PCID2: variants seen among roughly 807,000 people sequenced by gnomAD.
PCID2 encodes the protein PCI domain containing 2, also known as PCI domain-containing protein 2.
In PCID2, 41 loss-of-function variants were observed where a neutral mutation model predicts 61.3. The ratio of observed to expected loss-of-function variants is 0.67; its 90% CI spans 0.52 to 0.87. The LOEUF is 0.87. Ranked by LOEUF, PCID2 falls within the 40% of genes least tolerant of loss-of-function variation. PCID2 has a pLI of 0.00. For synonymous variants in PCID2, 187 were observed against 177.8 expected (o/e 1.05, Z -0.41); for missense variants, 392 against 493.4 (o/e 0.79, Z 1.95).
chr13:113,179,876 A>G lies in PCID2; in HGVS notation c.986+41T>C, dbSNP rs746654689. ...CCCTGGATGTCTGACTGCTCTGCCG[A>G]GAGCCACACTGGGAGCCCAATGTGC... On this transcript the variant is annotated intron_variant, in intron 12 of 13. Transcript: ENST00000337344. This position sits in a 1 kb window ranked among gnomAD's most constrained non-coding sequence, Gnocchi z 4.3. 1 of 1,592,328 alleles carries G rather than the reference A, an allele frequency of 6.3e-7. No homozygotes were observed. The highest frequency in any genetic ancestry group is 8.6e-7 in the Non-Finnish European group (1 of 1,167,178).
At chr13:113,172,224 C>T in the PCID2 span, 25 of 1,412,554 alleles carry the variant, frequency 1.8e-5, no homozygotes, top group Non-Finnish European at 2.4e-5. Context: ...CAGCCCCAGA[C>T]CACCCGCTTG....
chr13:113,203,142 G>A (rs2039555134), intron 1 of PCID2, among the ~76,000 whole-genome samples: 1 of 152,262 alleles, frequency 6.6e-6, no homozygotes, highest in Non-Finnish European at 1.5e-5. Flanking sequence ...CTGGCACAGA[G>A]CAGGAGAAGG....
chr13:113,190,758 G>T (rs2038543669), intron 7 of PCID2, 114 bp downstream of exon 7: 2 of 526,018 alleles, frequency 3.8e-6, no homozygotes, highest in African/African-American at 2.0e-5. Context: ...TGGGATTATA[G>T]CATGTGTAGA....
At position 113,198,214 on chromosome 13, in the gene PCID2, A is replaced by T; in HGVS notation, c.177T>A (p.Asp59Glu). The T allele has an allele frequency of 6.2e-7, 1 of 1,607,436 alleles. No homozygotes were observed. Among genetic ancestry groups the T allele is most frequent in the Non-Finnish European group, 8.5e-7 (1 of 1,177,162 alleles). Residue 59 changes from aspartate (D) to glutamate (E), a missense_variant, in exon 3 of 14, where the codon GAT becomes GAA. Asp to Glu is a conservative substitution (Grantham distance 45, BLOSUM62 2). This residue lies in a region of PCID2 where 155 missense variants were observed against 164.9 expected (regional missense o/e 0.94). Coordinates refer to ENST00000337344, the MANE Select transcript of PCID2 (RefSeq NM_001127202.4). ...ACCTTAAATGAGCTGCAAACATTTC[A>T]TCATAAGGGGGTTCCAAGACTTGTT... ...KCQQVLEPPY[D>E]EMFAAHLRCT...
At chr13:113,167,289 G>A in the PCID2 span, among the ~76,000 whole-genome samples, 1 of 152,156 alleles carries the variant, frequency 6.6e-6, no homozygotes, top group Non-Finnish European at 1.5e-5. Flanking sequence ...TACAGATAAC[G>A]TTCTTGACTT....
At chr13:113,201,847 TCTAA>T (rs1357476836) in intron 1 of PCID2, among the ~76,000 whole-genome samples, 7 of 149,294 alleles carry the variant, frequency 4.7e-5, no homozygotes, top group African/African-American at 1.7e-4. Context: ...ACATAAAAAT[TCTAA>T]CTAAGAAAAA....
intron 4 of PCID2, 62 bp downstream of exon 4, chr13:113,197,116 G>T: frequency 6.2e-7 from 1 of 1,614,160 alleles, no homozygotes. Context: ...CGGGTCTCAA[G>T]TCCCAAGTAA....
downstream of PCID2, among the ~76,000 whole-genome samples, chr13:113,172,637 G>A (rs1460909470): frequency 6.6e-6 from 1 of 152,220 alleles, no homozygotes; most frequent in Non-Finnish European, 1.5e-5. Flanking sequence ...GTATCCCAGA[G>A]AGGCAGCATT....
At chr13:113,200,735 T>C (rs2039365975) in intron 1 of PCID2, 1 of 361,976 alleles carries the variant, frequency 2.8e-6, no homozygotes, top group Non-Finnish European at 5.0e-6. Context: ...AGTCTCGCTC[T>C]GTCGCCCAGG....
intron 4 of PCID2, chr13:113,196,901 C>A: frequency 2.6e-6 from 2 of 779,962 alleles, no homozygotes; most frequent in East Asian, 2.5e-5. Context: ...ATACTTACTA[C>A]CTTACTAAAG....
intron 6 of PCID2, 40 bp from the exon 7 acceptor site, chr13:113,191,015 C>G (rs1228335292): frequency 6.8e-7 from 1 of 1,472,868 alleles, no homozygotes; most frequent in Admixed American, 1.8e-5. Flanking sequence ...TTTTCCGAAG[C>G]AAGATCTTGC....
At chr13:113,172,882 G>A (rs182875211), downstream of PCID2, among the ~76,000 whole-genome samples, 184 of 152,316 alleles carry the variant, frequency 1.2e-3, no homozygotes, top group Non-Finnish European at 2.2e-3. Context: ...TCACCAATGG[G>A]CTGATGGGCA....
intron 6 of PCID2, among the ~76,000 whole-genome samples, chr13:113,193,626 T>G (rs562690814): frequency 1.6e-4 from 24 of 152,356 alleles, no homozygotes; most frequent in African/African-American, 4.8e-4. Flanking sequence ...TTAAAATGAA[T>G]ATTTTAAAAT....
At chr13:113,196,155 A>G (rs746068618) in intron 5 of PCID2, 26 bp downstream of exon 5, 8 of 1,582,216 alleles carry the variant, frequency 5.1e-6, no homozygotes, top group African/African-American at 2.7e-5. Context: ...CCATTTGCTA[A>G]TTCAGCTGTT....
chr13:113,178,843 A>T (rs1257436251), intron 13 of PCID2, 123 bp downstream of exon 13: 11 of 853,008 alleles, frequency 1.3e-5, no homozygotes, highest in Non-Finnish European at 2.0e-5. Flanking sequence ...GGCTAAAATT[A>T]GTTCTATCAA....
chr13:113,172,496 A>G, the PCID2 span: 1 of 313,050 alleles, frequency 3.2e-6, no homozygotes, highest in Non-Finnish European at 6.2e-6. Context: ...AGAAGCGACA[A>G]CAATCTCCGG....
At chr13:113,197,342 G>T in intron 3 of PCID2, 99 bp from the exon 4 acceptor site, 1 of 817,582 alleles carries the variant, frequency 1.2e-6, no homozygotes, top group Non-Finnish European at 2.1e-6. Flanking sequence ...CAGTGGTCCT[G>T]GGATGAAAGG....
At chr13:113,177,110 C>G (rs1330428785), downstream of PCID2, among the ~76,000 whole-genome samples, 2 of 152,154 alleles carry the variant, frequency 1.3e-5, no homozygotes, top group East Asian at 1.9e-4. Flanking sequence ...ACTCGGTAAG[C>G]TACACGAGGT....
intron 6 of PCID2, among the ~76,000 whole-genome samples, chr13:113,194,626 G>A (rs2038870927): frequency 6.6e-6 from 1 of 152,102 alleles, no homozygotes; most frequent in Non-Finnish European, 1.5e-5. Flanking sequence ...GACTTCCGTG[G>A]GTCCCCATGG....
Sources: allele counts gnomAD v4.1 joint callset (sites outside exome capture counted in the v4.1 genomes callset), GRCh38; gene constraint gnomAD v4.1.1; regional missense constraint gnomAD v4.1.1; non-coding constraint Gnocchi (gnomAD v3.1); transcripts MANE v1.5; gene names NCBI Gene and HGNC (gene_info 2026-07-23, HGNC 2026-07-21).